The following PPP1R7 variants were observed in gnomAD, a reference collection of about 807,000 sequenced individuals.
PPP1R7 encodes protein phosphatase 1 regulatory subunit 22.
A neutral mutation model predicts 45.2 loss-of-function variants in PPP1R7; 18 were observed. The observed-to-expected ratio is 0.40, with a 90% CI of 0.28 to 0.59. PPP1R7 has a LOEUF of 0.59. Among genes scored for constraint, PPP1R7 ranks in the 20% least tolerant of loss-of-function variants. The probability of loss-of-function intolerance (pLI) is 0.46; values close to 1 mark genes in which losing one functional copy is unlikely to be tolerated. For synonymous variants in PPP1R7, 181 were observed against 183.4 expected, an observed-to-expected ratio of 0.99 and a Z score of 0.11; for missense variants, 314 against 455.8, an observed-to-expected ratio of 0.69 and a Z score of 2.83.
In PPP1R7 at chr2:241,179,102, G is replaced by A. The variant is rs375893180; in HGVS notation, c.907-3545G>A. On this transcript the variant is annotated intron_variant, in intron 9 of 9. Coordinates refer to ENST00000234038, the MANE Select transcript of PPP1R7 (RefSeq NM_002712.3). ...CCCCATAAATACAAAATGCAAGTTTGGGTTCCAAAAACCAAAAGAGTCTGC... is the reference window on the plus strand; with the variant it reads ...CCCCATAAATACAAAATGCAAGTTTAGGTTCCAAAAACCAAAAGAGTCTGC... Among the ~76,000 whole-genome samples, 13 of 152,210 alleles carry A rather than the reference G, an allele frequency of 8.5e-5. No individual in the cohort carries two copies. The East Asian group carries it at 9.7e-4, about 11-fold the overall frequency.
chr2:241,167,697 A>G (rs935975793), intron 8 of PPP1R7, among the ~76,000 whole-genome samples: 1 of 152,238 alleles, frequency 6.6e-6, no homozygotes, highest in African/African-American at 2.4e-5. Context: ...TAGAAGTGCT[A>G]CACTGTGATC....
At chr2:241,164,395 G>A (rs1423808193) in intron 7 of PPP1R7, among the ~76,000 whole-genome samples, 1 of 152,196 alleles carries the variant, frequency 6.6e-6, no homozygotes, top group African/African-American at 2.4e-5. Context: ...TTTGGGAGTT[G>A]GTAAGCACTT....
rs779054520 is a variant in PPP1R7 at position 241,150,488 on chromosome 2, C to T, written c.-8C>T. The T allele has an allele frequency of 2.5e-6, 4 of 1,596,626 alleles. No individual in the cohort carries two copies. In the South Asian group the frequency reaches 4.5e-5, roughly 18 times the overall value. ...CGACAGATTCCGGAAAGGGGAAGAG[C>T]AGCCAACATGGCGGCGGAACGCGGC... is the stretch of plus-strand genomic sequence containing the variant. On this transcript the variant is annotated 5_prime_UTR_variant, in exon 1 of 10. Coordinates refer to ENST00000234038, the MANE Select transcript of PPP1R7 (RefSeq NM_002712.3).
intron 8 of PPP1R7, among the ~76,000 whole-genome samples, chr2:241,168,448 G>C (rs145882528): frequency 4.2e-4 from 64 of 152,288 alleles, no homozygotes; most frequent in Non-Finnish European, 7.6e-4. Flanking sequence ...GAGAGCTGCC[G>C]TCCGTGCTAG....
chr2:241,160,756 C>T (rs2067570164), intron 6 of PPP1R7, among the ~76,000 whole-genome samples: 1 of 152,282 alleles, frequency 6.6e-6, no homozygotes, highest in Non-Finnish European at 1.5e-5. Flanking sequence ...CTGAATCACA[C>T]TGTTCCCAGT....
intron 2 of PPP1R7, among the ~76,000 whole-genome samples, chr2:241,157,009 C>T (rs543940466): frequency 5.9e-5 from 9 of 152,230 alleles, no homozygotes; most frequent in African/African-American, 2.2e-4. Flanking sequence ...CTTTTCAGCA[C>T]ACATGCTGAA....
At chr2:241,167,058 T>G in intron 8 of PPP1R7, 1 of 1,611,060 alleles carries the variant, frequency 6.2e-7, no homozygotes, top group Non-Finnish European at 8.5e-7. Flanking sequence ...CAGGACAGCC[T>G]CACGTACTGA....
intron 7 of PPP1R7, 65 bp downstream of exon 7, chr2:241,163,466 T>G (rs768950351): frequency 2.1e-4 from 240 of 1,151,900 alleles, no homozygotes; most frequent in Non-Finnish European, 2.8e-4. Context: ...CTGGACACAA[T>G]CTTAGTTTTT....
intron 9 of PPP1R7, among the ~76,000 whole-genome samples, chr2:241,171,394 A>G (rs1350534722): frequency 1.3e-5 from 2 of 152,230 alleles, no homozygotes; most frequent in East Asian, 3.8e-4. Flanking sequence ...CAATTATCAC[A>G]GCAACCATGT....
intron 9 of PPP1R7, among the ~76,000 whole-genome samples, chr2:241,174,485 A>G (rs1008059747): frequency 6.6e-6 from 1 of 151,732 alleles, no homozygotes. Flanking sequence ...CCAAACTACA[A>G]TCACCATCTC....
At chr2:241,161,411 G>A (rs2067587212) in intron 6 of PPP1R7, among the ~76,000 whole-genome samples, 1 of 148,846 alleles carries the variant, frequency 6.7e-6, no homozygotes. Context: ...ATGCTTCTTC[G>A]AGATGAAAGT....
intron 4 of PPP1R7, 181 bp from the exon 5 acceptor site, chr2:241,159,032 T>G: frequency 7.2e-6 from 5 of 698,462 alleles, no homozygotes; most frequent in Non-Finnish European, 1.2e-5. Flanking sequence ...TGTTAAGGAA[T>G]TATAGCTTAG....
At chr2:241,150,368 C>G (rs1403699650), upstream of PPP1R7, 1 of 1,341,188 alleles carries the variant, frequency 7.5e-7, no homozygotes. Flanking sequence ...GCGCTGGGCC[C>G]ACGCAGGCGC....
chr2:241,182,322 T>C (rs1010639175), intron 9 of PPP1R7, among the ~76,000 whole-genome samples: 1 of 152,264 alleles, frequency 6.6e-6, no homozygotes, highest in African/African-American at 2.4e-5. Flanking sequence ...CAGCCCACCC[T>C]GCTTTGACAC....
intron 1 of PPP1R7, 60 bp from the exon 2 acceptor site, chr2:241,153,411 TTATTA>T (rs762952342): frequency 1.1e-5 from 17 of 1,594,404 alleles, no homozygotes; most frequent in Non-Finnish European, 1.4e-5. Context: ...AACCGGGTGT[TTATTA>T]TATGTTCCTC....
At chr2:241,169,690 C>T in intron 8 of PPP1R7, 91 bp from the exon 9 acceptor site, 2 of 1,083,486 alleles carry the variant, frequency 1.8e-6, no homozygotes, top group Non-Finnish European at 2.8e-6. Context: ...CACCTGCAGC[C>T]CTAAGGTCAG....
chr2:241,165,866 G>C (rs909282481), intron 7 of PPP1R7, among the ~76,000 whole-genome samples: 4 of 151,054 alleles, frequency 2.6e-5, no homozygotes, highest in Admixed American at 1.3e-4. Context: ...CAAAGTGCTG[G>C]GATTACAGGC....
At chr2:241,153,335 G>A in intron 1 of PPP1R7, 141 bp from the exon 2 acceptor site, 3 of 1,143,856 alleles carry the variant, frequency 2.6e-6, no homozygotes, top group Non-Finnish European at 3.8e-6. Context: ...TGGGACATGG[G>A]AGACACTCAG....
At chr2:241,150,589 C>CG (rs758649824) in intron 1 of PPP1R7, 42 bp downstream of exon 1, 17 of 1,564,574 alleles carry the variant, frequency 1.1e-5, no homozygotes, top group Admixed American at 3.7e-5. Flanking sequence ...GCCCAGCGGG[C>CG]GGGGGGAGCT....
Sources: allele counts gnomAD v4.1 joint callset (sites outside exome capture counted in the v4.1 genomes callset), GRCh38; gene constraint gnomAD v4.1.1; transcripts MANE v1.5; gene names NCBI Gene and HGNC (gene_info 2026-07-23, HGNC 2026-07-21).